The following SETD2 variants were observed in gnomAD, a reference collection of about 807,000 sequenced individuals.
The protein encoded by SETD2 is SET domain containing 2, histone lysine methyltransferase.
In SETD2, 31 loss-of-function variants were observed where a neutral mutation model predicts 242.1. The ratio of observed to expected loss-of-function variants is 0.13; its 90% CI spans 0.10 to 0.17. The LOEUF (loss-of-function observed/expected upper bound fraction) is 0.17, where lower values mean the gene tolerates loss of function less well. SETD2 is among the 10% of genes least tolerant of loss of function. The pLI, the probability that SETD2 is intolerant of heterozygous loss-of-function variation, is 1.00. For missense variants in SETD2, 2,481 were observed against 3,046.3 expected (o/e 0.81, Z 4.37); for synonymous variants, 1,006 against 1,066.5 (o/e 0.94, Z 1.11).
chr3:47,154,688 T>C (rs943505800), intron 1 of SETD2, among the ~76,000 whole-genome samples: 1 of 152,230 alleles, frequency 6.6e-6, no homozygotes, highest in Admixed American at 6.5e-5. Context: ...TTTATTGTTG[T>C]GGTAATTAAA....
intron 9 of SETD2, among the ~76,000 whole-genome samples, chr3:47,090,868 T>C (rs890684917): frequency 6.6e-6 from 1 of 152,198 alleles, no homozygotes; most frequent in Admixed American, 6.5e-5. Context: ...TTTCTATTAC[T>C]TTTTTCTTTT....
intron 7 of SETD2, among the ~76,000 whole-genome samples, chr3:47,101,884 T>C (rs2042228517): frequency 6.6e-6 from 1 of 152,178 alleles, no homozygotes; most frequent in African/African-American, 2.4e-5. Context: ...ACAGTAAAGA[T>C]TCACTTGTAC....
In SETD2 at chr3:47,101,539, T is replaced by C; in HGVS notation, c.4934A>G (p.Gln1645Arg). The C allele has an allele frequency of 6.2e-7, 1 of 1,611,944 alleles. No homozygotes were observed. The highest frequency in any genetic ancestry group is 8.5e-7 in the Non-Finnish European group (1 of 1,178,154). ...GGTGGTAAAAAACCCAACCCTCAGT[T>C]GTCCGTTCACAGTCCACTGAGATGA... ...CETQKWTVNG[Q>R]LRVGFFTTKL... Residue 1645 changes from glutamine (Q) to arginine (R), a missense_variant, in exon 8 of 21, where the codon CAA (glutamine) becomes CGA (arginine). Around this residue, in one of 17 missense-constraint regions of SETD2, gnomAD observed 61 missense variants for 221.4 expected, o/e 0.28. Coordinates refer to ENST00000409792, the MANE Select transcript of SETD2 (RefSeq NM_014159.7).
rs1167596268 is a variant in SETD2, at chr3:47,020,281, G to A, written c.7351-441C>T. On this transcript the variant is annotated intron_variant, in intron 18 of 20. Transcript: ENST00000409792. ...AATACTCATCACCTTTCCTCCAAAG[G>A]TGGAGTTGGCTAGACTGTAGAAGAC... Among the ~76,000 whole-genome samples the A allele has an allele frequency of 2.0e-5, 3 of 152,160 alleles. No homozygotes were observed. In the East Asian group the frequency reaches 5.8e-4, roughly 29 times the overall value.
intron 16 of SETD2, among the ~76,000 whole-genome samples, chr3:47,043,591 C>G (rs1006868011): frequency 4.6e-5 from 7 of 152,156 alleles, no homozygotes; most frequent in Admixed American, 1.3e-4. Context: ...TTCTTTCAAG[C>G]CTATTAATGA....
At chr3:47,055,911 C>G (rs1257794588) in intron 15 of SETD2, among the ~76,000 whole-genome samples, 27 of 146,168 alleles carry the variant, frequency 1.8e-4, no homozygotes, top group African/African-American at 6.6e-4. Context: ...TACTCGGGAG[C>G]CTGAGGCAGG....
intron 1 of SETD2, among the ~76,000 whole-genome samples, chr3:47,160,759 G>A (rs949809634): frequency 6.6e-6 from 1 of 152,118 alleles, no homozygotes; most frequent in African/African-American, 2.4e-5. Context: ...CTCTATCACT[G>A]TAAAGTACTT....
chr3:47,045,838 C>T (rs1295783911), intron 16 of SETD2, among the ~76,000 whole-genome samples: 3 of 145,424 alleles, frequency 2.1e-5, no homozygotes, highest in East Asian at 4.2e-4. Flanking sequence ...TGCAGTGGCG[C>T]GATCTTAGCT....
chr3:47,105,737 T>C (rs1402157770), intron 6 of SETD2: 2 of 423,602 alleles, frequency 4.7e-6, no homozygotes, highest in Non-Finnish European at 9.1e-6. Flanking sequence ...ACCCCGTCTC[T>C]ACTAAAAATA....
At chr3:47,039,456 G>A (rs1297381886) in intron 17 of SETD2, among the ~76,000 whole-genome samples, 1 of 151,854 alleles carries the variant, frequency 6.6e-6, no homozygotes, top group African/African-American at 2.4e-5. Flanking sequence ...CTCATGATCC[G>A]CCCACCTCAG....
At chr3:47,114,830 G>A (rs989940177) in intron 4 of SETD2, among the ~76,000 whole-genome samples, 3 of 137,066 alleles carry the variant, frequency 2.2e-5, no homozygotes, top group African/African-American at 8.3e-5. Flanking sequence ...AGTGAGTCAA[G>A]ATTGTGCCAC....
At chr3:47,117,607 A>G (rs946668596) in intron 3 of SETD2, among the ~76,000 whole-genome samples, 7 of 152,358 alleles carry the variant, frequency 4.6e-5, no homozygotes, top group Admixed American at 3.9e-4. Context: ...ACTCAATCCA[A>G]TATTTTAGAG....
intron 12 of SETD2, among the ~76,000 whole-genome samples, chr3:47,078,265 C>T (rs2041176674): frequency 6.6e-6 from 1 of 152,110 alleles, no homozygotes; most frequent in South Asian, 2.1e-4. Context: ...GTTGACAATG[C>T]TAGTAATGGG....
At chr3:47,103,275 G>A (rs1263820958) in intron 7 of SETD2, 71 bp downstream of exon 7, 5 of 963,720 alleles carry the variant, frequency 5.2e-6, no homozygotes, top group Non-Finnish European at 8.4e-6. Context: ...CTTAGATATG[G>A]GATCTAAAAT....
chr3:47,132,194 G>A (rs948257866), intron 1 of SETD2, among the ~76,000 whole-genome samples: 4 of 147,768 alleles, frequency 2.7e-5, no homozygotes, highest in South Asian at 2.1e-4. Flanking sequence ...GTCCAGTGGC[G>A]CAATCTTGGC....
intron 15 of SETD2, among the ~76,000 whole-genome samples, chr3:47,052,473 G>A (rs1470930078): frequency 6.6e-6 from 1 of 151,990 alleles, no homozygotes; most frequent in Non-Finnish European, 1.5e-5. Context: ...ACGCCCGGCT[G>A]AAAAACCTGT....
At chr3:47,136,140 T>C (rs1367769077) in intron 1 of SETD2, among the ~76,000 whole-genome samples, 1 of 152,188 alleles carries the variant, frequency 6.6e-6, no homozygotes, top group African/African-American at 2.4e-5. Context: ...CTCCCCCAAG[T>C]CGTTCCTATG....
chr3:47,058,465 C>CAAAAAA (rs1448864045), intron 14 of SETD2, among the ~76,000 whole-genome samples: 4 of 76,152 alleles, frequency 5.3e-5, no homozygotes, highest in African/African-American at 5.7e-5. Context: ...AAAAAAAAAA[C>CAAAAAA]ACAAAGAGGG....
In SETD2 at chr3:47,084,524, A is replaced by C. The variant is rs967850194; in HGVS notation, c.5398-142T>G. The C allele has an allele frequency of 9.9e-6, 6 of 608,082 alleles. No homozygotes were observed. The African/African-American group carries it at 1.1e-4, about 11-fold the overall frequency. 37.7% of individuals were successfully genotyped at this position (608,082 alleles called of 1,614,324 possible). A position where few individuals can be genotyped will look rare whatever the true frequency, so the allele number is the denominator to read the frequency against. On this transcript the variant is annotated intron_variant, in intron 11 of 20. Transcript: ENST00000409792. ...ACTGCAACCTCTGCCTCCTGGGTTC[A>C]AGCAATTCTCCTGTCTCAGCCTCCC... is the stretch of plus-strand genomic sequence containing the variant.
Sources: gnomAD v4.1 joint callset for allele counts (sites outside exome capture counted in the v4.1 genomes callset) on GRCh38, gnomAD v4.1.1 for gene constraint, gnomAD v4.1.1 regional missense constraint, MANE v1.5 for transcripts, NCBI Gene and HGNC (gene_info 2026-07-23, HGNC 2026-07-21) for gene names.